ARMH4: variants seen among roughly 807,000 people sequenced by gnomAD.
ARMH4 encodes the protein armadillo like helical domain containing 4.
ARMH4 carries 49 observed loss-of-function variants against 61.9 expected under a neutral mutation model. The ratio of observed to expected loss-of-function variants is 0.79; its 90% CI spans 0.63 to 1.00. The LOEUF (loss-of-function observed/expected upper bound fraction) is 1.00, where lower values mean the gene tolerates loss of function less well. Among genes scored for constraint, ARMH4 ranks in the 50% least tolerant of loss-of-function variants. ARMH4 has a pLI of 0.00. For missense variants in ARMH4, 934 were observed against 930.0 expected (o/e 1.00, Z -0.06); for synonymous variants, 368 against 341.5 (o/e 1.08, Z -0.85).
At position 58,138,347 on chromosome 14, in the gene ARMH4, C is replaced by G. The variant is rs749266274; in HGVS notation, c.1012G>C (p.Val338Leu). 2.5e-6 allele frequency: 4 copies of G among 1,614,200 alleles called. No individual in the cohort carries two copies. In the Admixed American group the frequency reaches 6.7e-5, roughly 27 times the overall value. ...PKLGDNEETQVRTEMSQTAQV... is the reference protein window; with the variant it reads ...PKLGDNEETQLRTEMSQTAQV... ...GCTGTCTGAGACATCTCCGTTCTCACCTGAGTCTCTTCATTGTCTCCAAGC... is the reference window on the plus strand; with the variant it reads ...GCTGTCTGAGACATCTCCGTTCTCAGCTGAGTCTCTTCATTGTCTCCAAGC... Residue 338 changes from valine to leucine, a missense_variant, in exon 2 of 8, where the codon GTG becomes CTG. By Grantham distance (32) the Val-to-Leu change is conservative. Coordinates refer to ENST00000267485, the MANE Select transcript of ARMH4 (RefSeq NM_001001872.4).
chr14:58,006,815 C>T (rs904501484), intron 6 of ARMH4, among the ~76,000 whole-genome samples: 6 of 151,780 alleles, frequency 4.0e-5, no homozygotes, highest in Non-Finnish European at 5.9e-5. Context: ...ATGTAAATGA[C>T]AAGTTAACGG....
rs1356842328 is a variant in ARMH4, at chr14:58,004,803, T to G, written c.2258A>C (p.Gln753Pro). The change falls in exon 8 of 8, where the codon CAG (glutamine) becomes CCG (proline). Residue 753 changes from glutamine (Q) to proline (P), a missense_variant and splice_region_variant. By Grantham distance (76) the Gln-to-Pro change is moderately conservative (BLOSUM62 -1). Coordinates refer to ENST00000267485, the MANE Select transcript of ARMH4 (RefSeq NM_001001872.4). ...ATCTTGCATGCTGTTGAATTCTCTCTGCTAGAGAAAGAAAACAGAAAAGCA... is the reference window on the plus strand; with the variant it reads ...ATCTTGCATGCTGTTGAATTCTCTCGGCTAGAGAAAGAAAACAGAAAAGCA... ...RNGFKRHKRKQREFNSMQDRV... is the reference protein window; with the variant it reads ...RNGFKRHKRKPREFNSMQDRV... 6.2e-7 allele frequency: 1 copy of G among 1,608,634 alleles called. No individual in the cohort carries two copies.
chr14:58,129,952 A>G (rs1441364332), intron 4 of ARMH4, among the ~76,000 whole-genome samples: 1 of 152,174 alleles, frequency 6.6e-6, no homozygotes, highest in Non-Finnish European at 1.5e-5. Context: ...AAGAACTAAA[A>G]CCCCAGGACA....
At chr14:58,100,072 T>A (rs907314022) in intron 4 of ARMH4, among the ~76,000 whole-genome samples, 2 of 151,968 alleles carry the variant, frequency 1.3e-5, no homozygotes, top group South Asian at 2.1e-4. Flanking sequence ...TTTGGATACA[T>A]CCTCCCCTGA....
intron 1 of ARMH4, among the ~76,000 whole-genome samples, chr14:58,144,087 TA>T (rs1166122326): frequency 2.6e-5 from 4 of 152,054 alleles, no homozygotes; most frequent in African/African-American, 9.7e-5. Flanking sequence ...CTGTTCTTTT[TA>T]AAAAAGAGAA....
intron 6 of ARMH4, 43 bp from the exon 7 acceptor site, chr14:58,005,225 G>A (rs781708320): frequency 7.4e-6 from 12 of 1,612,094 alleles, no homozygotes; most frequent in East Asian, 2.2e-5. Flanking sequence ...TAAACAGAGC[G>A]CGCCGCCCTG....
chr14:58,018,401 T>C (rs1430114668), intron 5 of ARMH4, among the ~76,000 whole-genome samples: 1 of 151,306 alleles, frequency 6.6e-6, no homozygotes, highest in Non-Finnish European at 1.5e-5. Flanking sequence ...ATCCAAAATA[T>C]ATAATGAACT....
At chr14:58,112,066 T>C (rs1886370804) in intron 4 of ARMH4, among the ~76,000 whole-genome samples, 1 of 152,096 alleles carries the variant, frequency 6.6e-6, no homozygotes, top group South Asian at 2.1e-4. Flanking sequence ...ATAACTTAAC[T>C]ATCCCCTTAC....
chr14:58,077,097 G>T (rs1323243994), intron 5 of ARMH4, among the ~76,000 whole-genome samples: 1 of 152,186 alleles, frequency 6.6e-6, no homozygotes, highest in Non-Finnish European at 1.5e-5. Context: ...GGGGGTCATG[G>T]ATGCTAGGTG....
At chr14:58,113,643 G>T (rs1886423656) in intron 4 of ARMH4, among the ~76,000 whole-genome samples, 1 of 151,872 alleles carries the variant, frequency 6.6e-6, no homozygotes, top group South Asian at 2.1e-4. Flanking sequence ...GATTAGATAA[G>T]TGAGAAGTTT....
rs566915588 is a variant in ARMH4 at position 58,150,165 on chromosome 14, T to C, written c.-57+1910A>G. Among the ~76,000 whole-genome samples the C allele has an allele frequency of 5.8e-4, 88 of 152,352 alleles. No homozygotes were observed. In the South Asian group the frequency reaches 0.016, roughly 28 times the overall value. ...TGGTACACAAATGTAGCCATTTGCT[T>C]GGCTAGATCTCTAAGTAGCTGACAT... On this transcript the variant is annotated intron_variant, in intron 1 of 7. Transcript: ENST00000267485.
chr14:58,147,272 G>C (rs1887764659), intron 1 of ARMH4, among the ~76,000 whole-genome samples: 1 of 149,076 alleles, frequency 6.7e-6, no homozygotes, highest in Non-Finnish European at 1.5e-5. Context: ...TGATAACCTT[G>C]TCTAGGCTCT....
intron 5 of ARMH4, among the ~76,000 whole-genome samples, chr14:58,016,482 A>G (rs1466952750): frequency 2.5e-4 from 38 of 152,204 alleles, no homozygotes; most frequent in Admixed American, 2.5e-3. Context: ...ATTGGGTAGT[A>G]GAATTATCGA....
rs1008568618 is a variant in ARMH4 at position 58,061,548 on chromosome 14, T to C, written c.2089+35176A>G. ...CCAAAGCCAGAATCTGGTTAATCGC[T>C]TTCCTCAAGAAAGGATATTTCTGAG... On this transcript the variant is annotated intron_variant, in intron 5 of 7. Transcript: ENST00000267485. Among the ~76,000 whole-genome samples, 27 of 152,220 alleles carry C rather than the reference T, an allele frequency of 1.8e-4. 1 individual carries two copies. Among genetic ancestry groups the C allele is most frequent in the Non-Finnish European group, 3.8e-4 (26 of 68,042 alleles).
intron 5 of ARMH4, among the ~76,000 whole-genome samples, chr14:58,089,724 C>T (rs1236870343): frequency 1.3e-5 from 2 of 152,188 alleles, no homozygotes; most frequent in Admixed American, 6.5e-5. Context: ...GGAAAGCAGG[C>T]GCTGTGTGAG....
intron 5 of ARMH4, among the ~76,000 whole-genome samples, chr14:58,036,877 C>A (rs201328898): frequency 0.32 from 30,556 of 94,188 alleles, 7,286 homozygotes; most frequent in East Asian, 0.58. Flanking sequence ...AGAACTACAA[C>A]CCACTGCTCA....
At chr14:58,106,399 T>A (rs1886167287) in intron 4 of ARMH4, among the ~76,000 whole-genome samples, 1 of 152,226 alleles carries the variant, frequency 6.6e-6, no homozygotes, top group African/African-American at 2.4e-5. Flanking sequence ...GGGACATGGT[T>A]CAATTTCTGA....
intron 5 of ARMH4, among the ~76,000 whole-genome samples, chr14:58,086,987 G>C (rs1476074850): frequency 6.6e-6 from 1 of 152,026 alleles, no homozygotes; most frequent in Non-Finnish European, 1.5e-5. Context: ...AAAGAAACAG[G>C]CAGGAAGATA....
intron 5 of ARMH4, among the ~76,000 whole-genome samples, chr14:58,069,434 T>G (rs1009963923): frequency 1.3e-5 from 2 of 152,210 alleles, no homozygotes; most frequent in Non-Finnish European, 2.9e-5. Context: ...AATAAAGGAC[T>G]GTACAAGTAT....
Sources: allele counts gnomAD v4.1 joint callset (sites outside exome capture counted in the v4.1 genomes callset), GRCh38; gene constraint gnomAD v4.1.1; transcripts MANE v1.5; gene names NCBI Gene and HGNC (gene_info 2026-07-23, HGNC 2026-07-21).